ZNF560: variants seen among roughly 807,000 people sequenced by gnomAD.
ZNF560 encodes the protein zinc finger protein 560.
In ZNF560, 54 loss-of-function variants were observed where a neutral mutation model predicts 81.8. That is an observed-to-expected ratio of 0.66 (90% CI 0.53 to 0.83). The LOEUF (loss-of-function observed/expected upper bound fraction) is 0.83. ZNF560 is among the 40% of genes least tolerant of loss of function. The pLI, the probability that ZNF560 is intolerant of heterozygous loss-of-function variation, is 0.00. For synonymous variants in ZNF560, 321 were observed against 317.9 expected, an observed-to-expected ratio of 1.01 and a Z score of -0.10; for missense variants, 940 against 932.4, an observed-to-expected ratio of 1.01 and a Z score of -0.11.
intron 9 of ZNF560, 80 bp from the exon 10 acceptor site, chr19:9,468,414 AATT>A: frequency 1.7e-6 from 2 of 1,154,608 alleles, no homozygotes; most frequent in East Asian, 2.5e-5. Context: ...GAAACATGAT[AATT>A]ATTATTTTTG....
At chr19:9,501,451 C>T (rs1455589562), upstream of ZNF560, among the ~76,000 whole-genome samples, 5 of 150,108 alleles carry the variant, frequency 3.3e-5, no homozygotes, top group East Asian at 2.0e-4. Flanking sequence ...CTCCGCCTCC[C>T]GGGTTCAAGC....
chr19:9,469,280 T>A (rs2073085698), intron 8 of ZNF560, 93 bp from the exon 9 acceptor site: 2 of 1,015,424 alleles, frequency 2.0e-6, no homozygotes, highest in Admixed American at 3.2e-5. Context: ...TATATATGTC[T>A]AAAATTTGGC....
chr19:9,500,230 A>G (rs1291670349), upstream of ZNF560, among the ~76,000 whole-genome samples: 2 of 151,702 alleles, frequency 1.3e-5, no homozygotes, highest in African/African-American at 4.8e-5. Flanking sequence ...CTAAAGATAC[A>G]AAAAATTAGC....
chr19:9,487,289 G>A (rs1343324242), intron 2 of ZNF560, among the ~76,000 whole-genome samples: 2 of 152,152 alleles, frequency 1.3e-5, no homozygotes, highest in African/African-American at 4.8e-5. Flanking sequence ...CAGCACAGAG[G>A]AACAAGCATT....
intron 4 of ZNF560, among the ~76,000 whole-genome samples, chr19:9,473,624 C>T (rs1263968875): frequency 1.3e-5 from 2 of 151,670 alleles, no homozygotes; most frequent in Non-Finnish European, 2.9e-5. Flanking sequence ...AGATGATAAA[C>T]TTTACATTAT....
chr19:9,478,911 T>C (rs1403885010), intron 2 of ZNF560, among the ~76,000 whole-genome samples: 1 of 152,066 alleles, frequency 6.6e-6, no homozygotes, highest in East Asian at 1.9e-4. Flanking sequence ...ATGCCACTAA[T>C]CCCTGCACTT....
At chr19:9,478,508 C>T (rs1412672750) in intron 2 of ZNF560, among the ~76,000 whole-genome samples, 8 of 152,042 alleles carry the variant, frequency 5.3e-5, no homozygotes, top group Non-Finnish European at 5.9e-5. Flanking sequence ...TACTCAAACA[C>T]TGTAATGGTG....
chr19:9,471,099 A>C (rs918991975), intron 6 of ZNF560, among the ~76,000 whole-genome samples, 197 bp downstream of exon 6: 3 of 152,192 alleles, frequency 2.0e-5, no homozygotes, highest in African/African-American at 7.2e-5. Flanking sequence ...TCATTACTCC[A>C]ATTTTAGAAG....
chr19:9,495,562 C>T (rs1466454765), intron 2 of ZNF560, among the ~76,000 whole-genome samples: 5 of 152,004 alleles, frequency 3.3e-5, no homozygotes, highest in Non-Finnish European at 5.9e-5. Context: ...CCAAAATTAG[C>T]CAGGCGTGGT....
upstream of ZNF560, chr19:9,498,876 G>C (rs996963380): frequency 5.6e-4 from 85 of 152,422 alleles, no homozygotes; most frequent in African/African-American, 1.9e-3. Flanking sequence ...CGGTGGCTTC[G>C]GTGGCAGAAT....
At chr19:9,485,543 C>G (rs1464500882) in intron 2 of ZNF560, among the ~76,000 whole-genome samples, 4 of 149,730 alleles carry the variant, frequency 2.7e-5, no homozygotes, top group African/African-American at 9.8e-5. Context: ...GAACATTAAC[C>G]AAAAGATTTT....
intron 2 of ZNF560, among the ~76,000 whole-genome samples, chr19:9,497,079 G>T (rs1031680828): frequency 2.0e-5 from 3 of 151,282 alleles, no homozygotes; most frequent in African/African-American, 7.3e-5. Flanking sequence ...TCATGCCACC[G>T]CACTCCAGCC....
chr19:9,451,980 G>A, the ZNF560 span, among the ~76,000 whole-genome samples: 1 of 152,130 alleles, frequency 6.6e-6, no homozygotes, highest in Admixed American at 6.5e-5. Flanking sequence ...TGAGGCTGAG[G>A]CAGGAGAATC....
At chr19:9,484,799 A>C (rs996762034) in intron 2 of ZNF560, among the ~76,000 whole-genome samples, 1 of 151,722 alleles carries the variant, frequency 6.6e-6, no homozygotes, top group African/African-American at 2.4e-5. Context: ...TAAGTAAATA[A>C]GTAAATAAAT....
the ZNF560 span, among the ~76,000 whole-genome samples, chr19:9,452,091 TG>T: frequency 9.2e-4 from 135 of 147,516 alleles, no homozygotes; most frequent in Admixed American, 3.9e-3. Flanking sequence ...AAAAAAAAAG[TG>T]GGGGGCAGGG....
the ZNF560 span, among the ~76,000 whole-genome samples, chr19:9,448,395 C>CTTT: frequency 0.036 from 3,243 of 89,770 alleles, 418 homozygotes; most frequent in African/African-American, 0.14. Context: ...CCATGCCTGG[C>CTTT]TTTTTTTTTT....
chr19:9,458,170 A>G, the ZNF560 span, among the ~76,000 whole-genome samples: 2 of 152,234 alleles, frequency 1.3e-5, no homozygotes, highest in Admixed American at 1.3e-4. Flanking sequence ...CCCTCTCACA[A>G]AGACACAAAT....
At position 9,466,355 on chromosome 19, in the gene ZNF560, AG is replaced by A. The variant is rs59077888; in HGVS notation, c.*218del. Among the ~76,000 whole-genome samples, 14,725 of 139,068 alleles carry A rather than the reference AG, an allele frequency of 0.11. 823 individuals carry two copies. Among genetic ancestry groups the A allele is most frequent in the South Asian group, 0.19 (917 of 4,762 alleles). 91.2% of individuals were successfully genotyped at this position (139,068 alleles called of 152,430 possible). The stretch of plus-strand genomic sequence containing the variant: ...AGTGAGACTCATCAAAAAAAAAAAA[AG>A]AGAGAGAGAAGAACTAGTGTTTTCC... On this transcript the variant is annotated 3_prime_UTR_variant, in exon 10 of 10. Transcript: ENST00000301480.
At chr19:9,479,016 A>T (rs1206734380) in intron 2 of ZNF560, among the ~76,000 whole-genome samples, 2 of 152,116 alleles carry the variant, frequency 1.3e-5, no homozygotes, top group Non-Finnish European at 2.9e-5. Flanking sequence ...AAATACAAAA[A>T]TTAGCCAGGC....
Sources: gnomAD v4.1 joint callset for allele counts (sites outside exome capture counted in the v4.1 genomes callset) on GRCh38, gnomAD v4.1.1 for gene constraint, MANE v1.5 for transcripts, NCBI Gene and HGNC (gene_info 2026-07-23, HGNC 2026-07-21) for gene names.